The following PKHD1 variants were observed in gnomAD, a reference collection of about 807,000 sequenced individuals.
PKHD1 encodes the protein PKHD1 ciliary IPT domain containing fibrocystin/polyductin.
PKHD1 carries 291 observed loss-of-function variants against 412.0 expected under a neutral mutation model. That is an observed-to-expected ratio of 0.71 (90% CI 0.64 to 0.78). PKHD1 has a LOEUF of 0.78. Among genes scored for constraint, PKHD1 ranks in the 30% least tolerant of loss-of-function variants. The probability of loss-of-function intolerance (pLI) is 0.00; values close to 1 mark genes in which losing one functional copy is unlikely to be tolerated. For missense variants in PKHD1, 4,825 were observed against 4,950.7 expected, an observed-to-expected ratio of 0.97 and a Z score of 0.76; for synonymous variants, 1,777 against 1,821.5, an observed-to-expected ratio of 0.98 and a Z score of 0.62.
chr6:51,796,262 C>T (rs528435354), intron 52 of PKHD1, among the ~76,000 whole-genome samples: 6 of 152,112 alleles, frequency 3.9e-5, no homozygotes, highest in Non-Finnish European at 8.8e-5. Flanking sequence ...GGAATTTATC[C>T]ATTTCTCCCA....
At chr6:51,724,022 G>C (rs1480243353) in intron 60 of PKHD1, among the ~76,000 whole-genome samples, 1 of 152,098 alleles carries the variant, frequency 6.6e-6, no homozygotes, top group Non-Finnish European at 1.5e-5. Flanking sequence ...AAATGCAATT[G>C]TCTTAAGATC....
chr6:51,802,583 T>G (rs1186302715), intron 52 of PKHD1, among the ~76,000 whole-genome samples: 2 of 151,622 alleles, frequency 1.3e-5, no homozygotes, highest in East Asian at 3.9e-4. Flanking sequence ...GTTTTTGTTT[T>G]GATTTGTTTC....
At chr6:52,017,354 C>T (rs1800696985) in intron 34 of PKHD1, 56 bp downstream of exon 34, 3 of 1,235,100 alleles carry the variant, frequency 2.4e-6, no homozygotes, top group Non-Finnish European at 3.6e-6. Flanking sequence ...ATGGCTCCAT[C>T]GGTCCATTGG....
At chr6:51,802,116 G>C (rs1266351909) in intron 52 of PKHD1, among the ~76,000 whole-genome samples, 2 of 152,086 alleles carry the variant, frequency 1.3e-5, no homozygotes, top group South Asian at 2.1e-4. Context: ...TTTAAATCTA[G>C]AGACGGTGCT....
At chr6:51,834,824 C>A (rs1768906296) in intron 51 of PKHD1, among the ~76,000 whole-genome samples, 1 of 152,140 alleles carries the variant, frequency 6.6e-6, no homozygotes, top group South Asian at 2.1e-4. Context: ...TTTAATATAA[C>A]TCATAAATTA....
intron 60 of PKHD1, among the ~76,000 whole-genome samples, chr6:51,739,182 A>G (rs963599546): frequency 6.7e-6 from 1 of 149,282 alleles, no homozygotes; most frequent in Non-Finnish European, 1.5e-5. Context: ...ATATACATAC[A>G]CATACACATA....
chr6:51,772,832 G>C lies in PKHD1; in HGVS notation c.8555-43C>G, dbSNP rs776598504. 46 of 1,120,762 alleles carry C rather than the reference G, an allele frequency of 4.1e-5. No individual in the cohort carries two copies. In the East Asian group the frequency reaches 1.1e-3, roughly 26 times the overall value. 69.4% of individuals were successfully genotyped at this position (1,120,762 alleles called of 1,614,324 possible). Reference sequence around the variant, plus strand: ...AACAGTTGGATAGAAAAATCCTTCAGAGGAATGAAAGCCAGGTAAGTAAAA... The same window carrying C: ...AACAGTTGGATAGAAAAATCCTTCACAGGAATGAAAGCCAGGTAAGTAAAA... On this transcript the variant is annotated intron_variant, in intron 54 of 66. Coordinates refer to ENST00000371117, the MANE Select transcript of PKHD1 (RefSeq NM_138694.4).
intron 55 of PKHD1, among the ~76,000 whole-genome samples, 179 bp from the exon 56 acceptor site, chr6:51,755,117 A>C (rs1364019146): frequency 1.3e-5 from 2 of 152,132 alleles, no homozygotes; most frequent in Non-Finnish European, 2.9e-5. Context: ...TAGCTAATGG[A>C]GTCAGTTTTC....
chr6:51,756,441 T>C (rs74891662), intron 55 of PKHD1, among the ~76,000 whole-genome samples: 6,769 of 152,318 alleles, frequency 0.044, 213 homozygotes, highest in Middle Eastern at 0.11. Context: ...TTTTAGTTCT[T>C]CAGGTGCTAA....
intron 60 of PKHD1, among the ~76,000 whole-genome samples, chr6:51,699,071 G>A (rs1380614591): frequency 6.6e-6 from 1 of 152,162 alleles, no homozygotes; most frequent in African/African-American, 2.4e-5. Flanking sequence ...CCAAATCTGA[G>A]AGATTTTTAA....
At chr6:51,951,193 A>G (rs1371353340) in intron 36 of PKHD1, among the ~76,000 whole-genome samples, 3 of 152,200 alleles carry the variant, frequency 2.0e-5, no homozygotes, top group Non-Finnish European at 4.4e-5. Flanking sequence ...TTTCCTTTCT[A>G]CATCTAGAAA....
Position 51,911,916 on chromosome 6 carries a change from G to T in PKHD1, c.6373C>A (p.His2125Asn). The T allele has an allele frequency of 6.2e-7, 1 of 1,611,866 alleles. No individual in the cohort carries two copies. The highest frequency in any genetic ancestry group is 8.5e-7 in the Non-Finnish European group (1 of 1,178,486). The change falls in exon 39 of 67, where the codon CAC becomes AAC. Residue 2125 changes from histidine (H) to asparagine (N), a missense_variant. By Grantham distance (68) the His-to-Asn change is moderately conservative. Transcript: ENST00000371117. Reference protein sequence around the residue: ...NFTENWVAGEHHILKATVALL... With the variant: ...NFTENWVAGENHILKATVALL... ...GCCACAGTGGCCTTTAAAATATGGT[G>T]CTCTCCAGCCACCCAATTCTCTGTA...
intron 36 of PKHD1, among the ~76,000 whole-genome samples, chr6:51,937,942 C>T (rs556182005): frequency 6.6e-6 from 1 of 152,336 alleles, no homozygotes; most frequent in African/African-American, 2.4e-5. Flanking sequence ...ACATGGCTTA[C>T]TCCATCTTGT....
At position 51,617,234 on chromosome 6, in the gene PKHD1, TTTGAGGA is replaced by T; in HGVS notation, c.*1840_*1846del. 1 of 152,212 alleles carries T rather than the reference TTTGAGGA, an allele frequency of 6.6e-6. No homozygotes were observed. The highest frequency in any genetic ancestry group is 2.4e-5 in the African/African-American group (1 of 41,444). 9.4% of individuals were successfully genotyped at this position (152,212 alleles called of 1,614,324 possible). A position where few individuals can be genotyped will look rare whatever the true frequency, so the allele number is the denominator to read the frequency against. The stretch of plus-strand genomic sequence containing the variant: ...TTTTTTTCCAAAAAGCTTACGGCTC[TTTGAGGA>T]TCCAATGAGTATACTAAAGTAGAGA... On this transcript the variant is annotated 3_prime_UTR_variant, in exon 67 of 67. Transcript: ENST00000371117.
At chr6:51,859,351 C>T (rs1000556890) in intron 48 of PKHD1, among the ~76,000 whole-genome samples, 1 of 151,766 alleles carries the variant, frequency 6.6e-6, no homozygotes, top group Non-Finnish European at 1.5e-5. Flanking sequence ...ACGGTGAAAC[C>T]CCGTCTGTAC....
At chr6:51,791,777 C>A (rs1793796011) in intron 52 of PKHD1, among the ~76,000 whole-genome samples, 1 of 152,150 alleles carries the variant, frequency 6.6e-6, no homozygotes, top group South Asian at 2.1e-4. Context: ...GATGTGAATA[C>A]CAATTCTGCT....
In PKHD1 at chr6:52,024,862, T is replaced by A; in HGVS notation, c.4948A>T (p.Ile1650Phe). 1 of 1,614,226 alleles carries A rather than the reference T, an allele frequency of 6.2e-7. No homozygotes were observed. The highest frequency in any genetic ancestry group is 8.5e-7 in the Non-Finnish European group (1 of 1,180,044). ...VDGLWYHIGV[I>F]GYNKAFTPEL... Reference sequence around the variant, plus strand: ...GGGGTAAAGGCCTTGTTATAACCAATGACTCCTATGTGATACCAAAGTCCA... The same window carrying A: ...GGGGTAAAGGCCTTGTTATAACCAAAGACTCCTATGTGATACCAAAGTCCA... Residue 1650 changes from isoleucine to phenylalanine, a missense_variant, in exon 32 of 67, where the codon ATT becomes TTT. Transcript: ENST00000371117.
chr6:51,836,771 A>C (rs1227577548), intron 50 of PKHD1, among the ~76,000 whole-genome samples: 1 of 152,258 alleles, frequency 6.6e-6, no homozygotes, highest in Non-Finnish European at 1.5e-5. Flanking sequence ...AATGGTGTCC[A>C]GCAGGGCATA....
At chr6:51,777,234 C>T (rs2151168314) in intron 53 of PKHD1, among the ~76,000 whole-genome samples, 1 of 152,222 alleles carries the variant, frequency 6.6e-6, no homozygotes, top group East Asian at 1.9e-4. Context: ...AAATCATCCC[C>T]CCTTGCTGAC....
Sources: allele counts gnomAD v4.1 joint callset (sites outside exome capture counted in the v4.1 genomes callset), GRCh38; gene constraint gnomAD v4.1.1; transcripts MANE v1.5; gene names NCBI Gene and HGNC (gene_info 2026-07-23, HGNC 2026-07-21).